RAB27B: variants seen among roughly 807,000 people sequenced by gnomAD.
RAB27B encodes the protein ras-related protein Rab-27B.
In RAB27B, 15 loss-of-function variants were observed where a neutral mutation model predicts 24.6. The observed-to-expected ratio is 0.61, with a 90% CI of 0.41 to 0.94. The LOEUF is 0.94. Among genes scored for constraint, RAB27B ranks in the 40% least tolerant of loss-of-function variants. RAB27B has a pLI of 0.00. For missense variants in RAB27B, 261 were observed against 266.8 expected, an observed-to-expected ratio of 0.98 and a Z score of 0.15; for synonymous variants, 105 against 92.5, an observed-to-expected ratio of 1.14 and a Z score of -0.78.
At chr18:54,760,255 T>G (rs1037479740) in intron 2 of RAB27B, among the ~76,000 whole-genome samples, 2 of 152,078 alleles carry the variant, frequency 1.3e-5, no homozygotes, top group Non-Finnish European at 2.9e-5. Context: ...AAATGTGCCA[T>G]CCCCTTAGCA....
At chr18:54,772,889 T>G (rs1350148622) in intron 2 of RAB27B, among the ~76,000 whole-genome samples, 3 of 152,200 alleles carry the variant, frequency 2.0e-5, no homozygotes, top group Non-Finnish European at 4.4e-5. Context: ...TTTGTACAAC[T>G]TTCCCTTTGC....
intron 2 of RAB27B, among the ~76,000 whole-genome samples, chr18:54,764,406 T>C (rs1908293969): frequency 6.6e-6 from 1 of 152,230 alleles, no homozygotes; most frequent in Non-Finnish European, 1.5e-5. Context: ...GTCTTAGCCA[T>C]ACTCCATGTT....
intron 2 of RAB27B, among the ~76,000 whole-genome samples, chr18:54,773,674 C>A (rs1033744366): frequency 6.9e-6 from 1 of 144,018 alleles, no homozygotes; most frequent in South Asian, 2.2e-4. Flanking sequence ...AATCTACTTT[C>A]TTTTTTTTTT....
chr18:54,816,215 T>C (rs1400565433), intron 2 of RAB27B, among the ~76,000 whole-genome samples: 1 of 152,172 alleles, frequency 6.6e-6, no homozygotes. Flanking sequence ...CACTAGTAGG[T>C]TGGGAATGCT....
At chr18:54,887,968 G>A in intron 4 of RAB27B, 27 bp from the exon 5 acceptor site, 1 of 1,603,334 alleles carries the variant, frequency 6.2e-7, no homozygotes, top group Non-Finnish European at 8.5e-7. Context: ...TCAATAACTT[G>A]CTGGTTCCAT....
intron 1 of RAB27B, among the ~76,000 whole-genome samples, chr18:54,869,807 G>A (rs1210896126): frequency 6.6e-6 from 1 of 152,052 alleles, no homozygotes; most frequent in Non-Finnish European, 1.5e-5. Context: ...TCAAAACAGA[G>A]GGAATTTTAA....
intron 2 of RAB27B, among the ~76,000 whole-genome samples, chr18:54,766,264 A>C (rs2145060489): frequency 6.6e-6 from 1 of 152,290 alleles, no homozygotes; most frequent in African/African-American, 2.4e-5. Context: ...GAAACACAGT[A>C]AATGGAGTCA....
chr18:54,841,007 C>T (rs1019206976), intron 1 of RAB27B, among the ~76,000 whole-genome samples: 2 of 151,976 alleles, frequency 1.3e-5, no homozygotes, highest in African/African-American at 2.4e-5. Flanking sequence ...ATTAGCCGGG[C>T]ATGGTGGTGC....
intron 2 of RAB27B, among the ~76,000 whole-genome samples, chr18:54,753,084 A>T (rs1421281605): frequency 6.6e-6 from 1 of 152,108 alleles, no homozygotes; most frequent in African/African-American, 2.4e-5. Flanking sequence ...CTTAACATTG[A>T]TTTGAGGTGC....
chr18:54,873,734 T>C (rs894253248), intron 1 of RAB27B, among the ~76,000 whole-genome samples: 6 of 149,944 alleles, frequency 4.0e-5, no homozygotes, highest in African/African-American at 1.5e-4. Flanking sequence ...TGTGTGAGTG[T>C]GTTGACAGAG....
At chr18:54,884,022 C>T (rs1478070565) in intron 3 of RAB27B, among the ~76,000 whole-genome samples, 4 of 152,052 alleles carry the variant, frequency 2.6e-5, no homozygotes, top group East Asian at 3.9e-4. Context: ...TAAATGTGGA[C>T]CACAAAATGC....
chr18:54,802,552 C>T (rs1568071609), intron 2 of RAB27B, among the ~76,000 whole-genome samples: 1 of 152,174 alleles, frequency 6.6e-6, no homozygotes, highest in African/African-American at 2.4e-5. Context: ...CATCTCTATT[C>T]CCTCCTGAAA....
rs538510314 is a variant in RAB27B at position 54,865,007 on chromosome 18, G to A, written c.-19-12560G>A. 2.3e-4 allele frequency among the ~76,000 whole-genome samples: 35 copies of A among 152,136 alleles called. 1 individual carries two copies. In the South Asian group the frequency reaches 6.8e-3, roughly 30 times the overall value. On this transcript the variant is annotated intron_variant, in intron 1 of 5. Transcript: ENST00000262094. The stretch of plus-strand genomic sequence containing the variant: ...TGGCATTGTTTTAAAGACTAAATGT[G>A]TTAATTATTAGTGTTTAGTGCTTAG...
At chr18:54,728,372 C>T (rs977411989) in intron 2 of RAB27B, among the ~76,000 whole-genome samples, 2 of 152,118 alleles carry the variant, frequency 1.3e-5, no homozygotes. Context: ...TTACTCTTGC[C>T]CCCCTCAGCT....
intron 2 of RAB27B, among the ~76,000 whole-genome samples, chr18:54,773,674 CTTT>C (rs372773293): frequency 2.1e-5 from 3 of 144,010 alleles, no homozygotes; most frequent in African/African-American, 7.6e-5. Flanking sequence ...AATCTACTTT[CTTT>C]TTTTTTTTTT....
At chr18:54,872,494 G>T (rs1178224822) in intron 1 of RAB27B, among the ~76,000 whole-genome samples, 1 of 151,810 alleles carries the variant, frequency 6.6e-6, no homozygotes, top group East Asian at 1.9e-4. Context: ...GCATGGTGGT[G>T]CATGCCTGTA....
At chr18:54,876,419 GAGGTGGAGAAGTCTTCCTCCCTGTCACAT>G (rs1568111115) in intron 1 of RAB27B, among the ~76,000 whole-genome samples, 3 of 152,290 alleles carry the variant, frequency 2.0e-5, no homozygotes, top group East Asian at 3.9e-4. Flanking sequence ...TGAATCTTCA[GAGGTGGAGAAGTCTTCCTCCCTGTCACAT>G]AATACTGAGA....
intron 1 of RAB27B, among the ~76,000 whole-genome samples, chr18:54,866,877 G>A (rs1472821511): frequency 6.6e-6 from 1 of 152,122 alleles, no homozygotes; most frequent in African/African-American, 2.4e-5. Flanking sequence ...CCACCATAAC[G>A]GGAAACAAGT....
At chr18:54,723,044 A>T (rs1185534295) in intron 2 of RAB27B, among the ~76,000 whole-genome samples, 1 of 152,186 alleles carries the variant, frequency 6.6e-6, no homozygotes, top group Non-Finnish European at 1.5e-5. Context: ...ATGGGTTTGG[A>T]CTTGATTGAG....
Sources: gnomAD v4.1 joint callset for allele counts (sites outside exome capture counted in the v4.1 genomes callset) on GRCh38, gnomAD v4.1.1 for gene constraint, MANE v1.5 for transcripts, NCBI Gene and HGNC (gene_info 2026-07-23, HGNC 2026-07-21) for gene names.